DLGAP1: variants seen among roughly 807,000 people sequenced by gnomAD.
DLGAP1 encodes the protein disks large-associated protein 1.
DLGAP1 carries 11 observed loss-of-function variants against 90.8 expected under a neutral mutation model. The observed-to-expected ratio is 0.12, with a 90% CI of 0.08 to 0.20. The LOEUF is 0.20. DLGAP1 is among the 10% of genes least tolerant of loss of function. DLGAP1 has a pLI of 1.00. For synonymous variants in DLGAP1, 558 were observed against 540.7 expected, an observed-to-expected ratio of 1.03 and a Z score of -0.44; for missense variants, 1,050 against 1,333.8, an observed-to-expected ratio of 0.79 and a Z score of 3.31.
intron 4 of DLGAP1, among the ~76,000 whole-genome samples, chr18:3,866,585 C>T (rs1417953587): frequency 6.6e-6 from 1 of 152,158 alleles, no homozygotes; most frequent in Non-Finnish European, 1.5e-5. Flanking sequence ...TGAACACAGA[C>T]TTTGGTGGTT....
intron 7 of DLGAP1, among the ~76,000 whole-genome samples, chr18:3,617,454 G>T (rs1179940226): frequency 6.6e-6 from 1 of 151,898 alleles, no homozygotes; most frequent in Non-Finnish European, 1.5e-5. Context: ...TAAAAAATTA[G>T]CTGGGCGTGG....
At chr18:4,156,546 T>C (rs1035066236) in intron 1 of DLGAP1, among the ~76,000 whole-genome samples, 2 of 152,194 alleles carry the variant, frequency 1.3e-5, no homozygotes, top group Non-Finnish European at 2.9e-5. Context: ...ACTTTACATT[T>C]TGGCAGTCCT....
chr18:3,991,181 A>C (rs547679484), intron 3 of DLGAP1, among the ~76,000 whole-genome samples: 1 of 152,178 alleles, frequency 6.6e-6, no homozygotes, highest in African/African-American at 2.4e-5. Flanking sequence ...ATATAAAAAA[A>C]CAAAAAACAA....
intron 2 of DLGAP1, among the ~76,000 whole-genome samples, chr18:4,082,753 A>AGTTGTGAAATTCACGCAAGTAC (rs2075629827): frequency 6.6e-6 from 1 of 151,224 alleles, no homozygotes; most frequent in African/African-American, 2.4e-5. Flanking sequence ...AGGTTAAGTA[A>AGTTGTGAAATTCACGCAAGTAC]GTTGTGAAAT....
chr18:4,184,710 A>AT (rs1200626259), intron 1 of DLGAP1, among the ~76,000 whole-genome samples: 2 of 151,930 alleles, frequency 1.3e-5, no homozygotes, highest in Non-Finnish European at 2.9e-5. Context: ...TTTTATTTTT[A>AT]TTTTTTAGGA....
chr18:3,945,137 C>T (rs2072851798), intron 3 of DLGAP1, among the ~76,000 whole-genome samples: 1 of 152,044 alleles, frequency 6.6e-6, no homozygotes, highest in African/African-American at 2.4e-5. Context: ...TTCCAATTTC[C>T]CTCTCTCTAA....
chr18:3,668,005 T>C (rs1292913361), intron 7 of DLGAP1, among the ~76,000 whole-genome samples: 1 of 152,174 alleles, frequency 6.6e-6, no homozygotes, highest in African/African-American at 2.4e-5. Flanking sequence ...TTGACTCTAA[T>C]ACCAAAGAGA....
intron 6 of DLGAP1, among the ~76,000 whole-genome samples, chr18:3,741,877 A>G (rs1458705092): frequency 1.4e-5 from 2 of 147,300 alleles, no homozygotes; most frequent in Non-Finnish European, 3.0e-5. Flanking sequence ...GAGTCTTGCT[A>G]TGTCGCCCAG....
intron 2 of DLGAP1, among the ~76,000 whole-genome samples, chr18:4,045,728 ACGC>A (rs1167262589): frequency 2.6e-5 from 4 of 151,334 alleles, no homozygotes; most frequent in Non-Finnish European, 5.9e-5. Context: ...GTTGGTGATC[ACGC>A]CAAGTATATT....
At chr18:3,728,115 A>G (rs2062254259) in intron 7 of DLGAP1, among the ~76,000 whole-genome samples, 1 of 152,126 alleles carries the variant, frequency 6.6e-6, no homozygotes, top group Admixed American at 6.6e-5. Context: ...TGATGCACCT[A>G]GCACTAAAAT....
chr18:4,271,901 T>G (rs1018984377), intron 1 of DLGAP1, among the ~76,000 whole-genome samples: 6 of 152,190 alleles, frequency 3.9e-5, no homozygotes, highest in African/African-American at 1.4e-4. Flanking sequence ...TCAAGTACCC[T>G]TTTTGATGCA....
intron 3 of DLGAP1, among the ~76,000 whole-genome samples, chr18:3,944,711 A>G (rs911167267): frequency 6.6e-6 from 1 of 152,236 alleles, no homozygotes; most frequent in African/African-American, 2.4e-5. Flanking sequence ...AAGTATATTT[A>G]TTCCTTTTAG....
At chr18:4,227,617 T>G (rs932270743) in intron 1 of DLGAP1, among the ~76,000 whole-genome samples, 3 of 151,412 alleles carry the variant, frequency 2.0e-5, no homozygotes, top group Non-Finnish European at 4.4e-5. Context: ...GGTGAAAAAA[T>G]TAAGAGTGCA....
intron 1 of DLGAP1, among the ~76,000 whole-genome samples, chr18:4,407,068 T>C (rs1430610213): frequency 6.6e-6 from 1 of 152,202 alleles, no homozygotes; most frequent in Non-Finnish European, 1.5e-5. Flanking sequence ...ATGAAATCTA[T>C]TTACTTTATG....
At chr18:4,243,828 A>T (rs766918369) in intron 1 of DLGAP1, among the ~76,000 whole-genome samples, 7 of 152,024 alleles carry the variant, frequency 4.6e-5, no homozygotes, top group Non-Finnish European at 8.8e-5. Flanking sequence ...TCTTTTTTTT[A>T]CCCTACACTG....
rs1047057320 is a variant in DLGAP1 at position 4,368,562 on chromosome 18, C to A, written c.-267+86444G>T. 2.0e-5 allele frequency among the ~76,000 whole-genome samples: 3 copies of A among 151,814 alleles called. No individual in the cohort carries two copies. The South Asian group carries it at 6.3e-4, about 32-fold the overall frequency. On this transcript the variant is annotated intron_variant, in intron 1 of 12. Coordinates refer to ENST00000315677, the MANE Select transcript of DLGAP1 (RefSeq NM_004746.4). ...GGTCTCCAGTCTGCTGCCTACTTGA[C>A]CTTGCAGATTTAGACTTGCCAGCCT...
intron 1 of DLGAP1, among the ~76,000 whole-genome samples, chr18:4,440,639 GAAGA>G (rs749230819): frequency 2.0e-5 from 3 of 152,126 alleles, no homozygotes; most frequent in African/African-American, 7.2e-5. Flanking sequence ...AGACACACGA[GAAGA>G]AAGATATAAG....
In DLGAP1 at chr18:4,346,379, G is replaced by C. The variant is rs143394317; in HGVS notation, c.-267+108627C>G. 5.7e-4 allele frequency among the ~76,000 whole-genome samples: 87 copies of C among 151,982 alleles called. No homozygotes were observed. The East Asian group carries it at 0.016, about 28-fold the overall frequency. ...AGAAGACTGTGAAAAAAAGAAATAA[G>C]GTATTACTACCAAAATGCTTCTAAC... is the stretch of plus-strand genomic sequence containing the variant. On this transcript the variant is annotated intron_variant, in intron 1 of 12. Transcript: ENST00000315677.
intron 7 of DLGAP1, among the ~76,000 whole-genome samples, chr18:3,610,968 C>T (rs192227071): frequency 3.1e-4 from 47 of 149,872 alleles, no homozygotes; most frequent in Admixed American, 9.3e-4. Flanking sequence ...CATGTGTGCA[C>T]GTTAGCGAAA....
Sources: allele counts gnomAD v4.1 joint callset (sites outside exome capture counted in the v4.1 genomes callset), GRCh38; gene constraint gnomAD v4.1.1; transcripts MANE v1.5; gene names NCBI Gene and HGNC (gene_info 2026-07-23, HGNC 2026-07-21).